The following ST14 variants were observed in gnomAD, a reference collection of about 807,000 sequenced individuals.
ST14 encodes the protein suppressor of tumorigenicity 14 protein.
In ST14, 40 loss-of-function variants were observed where a neutral mutation model predicts 96.5. That is an observed-to-expected ratio of 0.41 (90% confidence interval 0.32 to 0.54). The LOEUF (loss-of-function observed/expected upper bound fraction) is 0.54. ST14 is among the 20% of genes least tolerant of loss of function. ST14 has a pLI of 0.17. For missense variants in ST14, 1,066 were observed against 1,188.9 expected (o/e 0.90, Z 1.52); for synonymous variants, 506 against 492.1 (o/e 1.03, Z -0.37).
intron 16 of ST14, among the ~76,000 whole-genome samples, chr11:130,207,287 A>G (rs1311403296): frequency 6.6e-6 from 1 of 152,200 alleles, no homozygotes; most frequent in Non-Finnish European, 1.5e-5. Flanking sequence ...ACGGTGGCTT[A>G]TGCCTGTAAT....
intron 7 of ST14, among the ~76,000 whole-genome samples, chr11:130,191,244 G>A (rs73034650): frequency 4.5e-3 from 688 of 152,198 alleles, no homozygotes; most frequent in Middle Eastern, 6.8e-3. Context: ...TGATGCAGGA[G>A]GATCTCCAGC....
intron 7 of ST14, among the ~76,000 whole-genome samples, chr11:130,193,770 G>A (rs1953329489): frequency 6.6e-6 from 1 of 152,220 alleles, no homozygotes; most frequent in African/African-American, 2.4e-5. Flanking sequence ...GCGCCCGGCT[G>A]GGTGTTGCTC....
chr11:130,186,168 G>C (rs971108544), intron 1 of ST14, among the ~76,000 whole-genome samples: 3 of 152,182 alleles, frequency 2.0e-5, no homozygotes, highest in Non-Finnish European at 2.9e-5. Context: ...CCCAGCCAAA[G>C]TTCCATAAAT....
intron 1 of ST14, among the ~76,000 whole-genome samples, chr11:130,174,490 C>T (rs959454049): frequency 1.4e-5 from 2 of 147,208 alleles, no homozygotes; most frequent in Non-Finnish European, 1.5e-5. Context: ...TGCTGCTTCT[C>T]CTGGGGGTGA....
At chr11:130,168,495 G>A (rs1953061465) in intron 1 of ST14, among the ~76,000 whole-genome samples, 1 of 152,194 alleles carries the variant, frequency 6.6e-6, no homozygotes, top group South Asian at 2.1e-4. Context: ...TTCTGTTGCA[G>A]TGCTAATTAG....
At chr11:130,172,228 C>A (rs186694274) in intron 1 of ST14, among the ~76,000 whole-genome samples, 3 of 151,848 alleles carry the variant, frequency 2.0e-5, no homozygotes, top group Admixed American at 2.0e-4. Context: ...GATCCTCCCA[C>A]CTCAGCCCGC....
At chr11:130,180,458 G>A (rs1022224372) in intron 1 of ST14, among the ~76,000 whole-genome samples, 1 of 152,344 alleles carries the variant, frequency 6.6e-6, no homozygotes, top group Non-Finnish European at 1.5e-5. Flanking sequence ...GGCTTTGTGT[G>A]CAGTTGGTAG....
At position 130,208,556 on chromosome 11, in the gene ST14, T is replaced by C; in HGVS notation, c.2141T>C (p.Leu714Pro). ...TTCACCTTCGACTATGACATCGCGC[T>C]GCTGGAGCTGGAGAAACCGGCAGAG... ...NDFTFDYDIA[L>P]LELEKPAEYS... Residue 714 changes from leucine to proline, a missense_variant, in exon 17 of 19, where the codon CTG (leucine) becomes CCG (proline). Coordinates refer to ENST00000278742, the MANE Select transcript of ST14 (RefSeq NM_021978.4). 1.2e-6 allele frequency: 2 copies of C among 1,614,230 alleles called. No individual in the cohort carries two copies.
intron 16 of ST14, 114 bp from the exon 17 acceptor site, chr11:130,208,296 C>T: frequency 1.4e-6 from 2 of 1,468,062 alleles, no homozygotes; most frequent in East Asian, 2.3e-5. Flanking sequence ...ATCGTCTTCT[C>T]GTAGCAGCAG....
At position 130,209,898 on chromosome 11, in the gene ST14, G is replaced by A; in HGVS notation, c.*75G>A. 18 of 1,567,814 alleles carry A rather than the reference G, an allele frequency of 1.1e-5. No individual in the cohort carries two copies. Among genetic ancestry groups the A allele is most frequent in the Non-Finnish European group, 1.6e-5 (18 of 1,151,656 alleles). On this transcript the variant is annotated 3_prime_UTR_variant, in exon 19 of 19. Coordinates refer to ENST00000278742, the MANE Select transcript of ST14 (RefSeq NM_021978.4). ...CCCCAGTGTGCACGCCTGCAGGCTGGAGACTGGACCGCTGACTGCACCAGC... is the reference window on the plus strand; with the variant it reads ...CCCCAGTGTGCACGCCTGCAGGCTGAAGACTGGACCGCTGACTGCACCAGC...
intron 1 of ST14, among the ~76,000 whole-genome samples, chr11:130,180,858 C>T (rs999768959): frequency 1.3e-5 from 2 of 152,108 alleles, no homozygotes; most frequent in Non-Finnish European, 2.9e-5. Flanking sequence ...TTGGAGAGCC[C>T]GGCCTTGGGG....
At chr11:130,196,100 C>T (rs527949320) in intron 9 of ST14, among the ~76,000 whole-genome samples, 3 of 150,758 alleles carry the variant, frequency 2.0e-5, no homozygotes, top group Admixed American at 6.6e-5. Flanking sequence ...GCGGAGGTTG[C>T]GGTGAGCTGA....
In ST14 at chr11:130,188,313, G is replaced by A. The variant is rs1303791455; in HGVS notation, c.241+40G>A. 6.3e-7 allele frequency: 1 copy of A among 1,599,772 alleles called. No individual in the cohort carries two copies. Among genetic ancestry groups the A allele is most frequent in the African/African-American group, 1.3e-5 (1 of 74,660 alleles). ...GGCTGGCTCCGGGGAGGACGACAAG[G>A]GGTGGCTGTCCCTCTTCCCTCAGCG... On this transcript the variant is annotated intron_variant, in intron 2 of 18. Transcript: ENST00000278742. This position sits in a 1 kb window ranked among gnomAD's most constrained non-coding sequence, Gnocchi z 5.4.
In ST14 at chr11:130,181,621, G is replaced by A. The variant is rs930177307; in HGVS notation, c.82-6493G>A. On this transcript the variant is annotated intron_variant, in intron 1 of 18. Coordinates refer to ENST00000278742, the MANE Select transcript of ST14 (RefSeq NM_021978.4). This position sits in a 1 kb window ranked among gnomAD's most constrained non-coding sequence, Gnocchi z 4.1. ...CAGTTGTCTAAGTGTCTAAGTGGAT[G>A]GGAGTTCCCTGAGACCTCCCCCTCC... Among the ~76,000 whole-genome samples the A allele has an allele frequency of 6.6e-6, 1 of 152,176 alleles. No homozygotes were observed. Among genetic ancestry groups the A allele is most frequent in the East Asian group, 1.9e-4 (1 of 5,192 alleles).
chr11:130,191,111 G>C (rs550125555), intron 7 of ST14, among the ~76,000 whole-genome samples: 1 of 152,240 alleles, frequency 6.6e-6, no homozygotes, highest in African/African-American at 2.4e-5. Flanking sequence ...AGCGCTTTGG[G>C]AGGCTGAGGC....
chr11:130,190,638 C>A lies in ST14; in HGVS notation c.819C>A (p.Ser273Arg), dbSNP rs750896775. The A allele has an allele frequency of 2.5e-6, 4 of 1,609,468 alleles. No individual in the cohort carries two copies. The highest frequency in any genetic ancestry group is 3.4e-6 in the Non-Finnish European group (4 of 1,178,328). Residue 273 changes from serine (S) to arginine (R), a missense_variant, in exon 7 of 19, where the codon AGC becomes AGA. Physicochemically the swap from Ser to Arg is moderately radical, Grantham distance 110. Transcript: ENST00000278742. ...TTGCGTCCTGCGACGAGCGCGGCAG[C>A]GACCTGGTGACGGTGTACAACACCC... ...FDLASCDERG[S>R]DLVTVYNTLS...
intron 1 of ST14, among the ~76,000 whole-genome samples, chr11:130,175,961 C>A (rs973938488): frequency 6.6e-6 from 1 of 152,228 alleles, no homozygotes; most frequent in Non-Finnish European, 1.5e-5. Flanking sequence ...CCACATCCAG[C>A]CTTGGCTGAT....
intron 7 of ST14, among the ~76,000 whole-genome samples, chr11:130,191,103 C>T (rs928493011): frequency 8.5e-5 from 13 of 152,222 alleles, no homozygotes; most frequent in Admixed American, 8.5e-4. Flanking sequence ...GTAATCTCAG[C>T]GCTTTGGGAG....
intron 1 of ST14, among the ~76,000 whole-genome samples, chr11:130,186,877 A>AT: frequency 6.6e-6 from 1 of 152,308 alleles, no homozygotes; most frequent in South Asian, 2.1e-4. Context: ...TTTTGAACAC[A>AT]TTTTAAGTGG....
Sources: allele counts gnomAD v4.1 joint callset (sites outside exome capture counted in the v4.1 genomes callset), GRCh38; gene constraint gnomAD v4.1.1; non-coding constraint Gnocchi (gnomAD v3.1); transcripts MANE v1.5; gene names NCBI Gene and HGNC (gene_info 2026-07-23, HGNC 2026-07-21).